ALK: variants seen among roughly 807,000 people sequenced by gnomAD.
ALK encodes ALK receptor tyrosine kinase.
ALK carries 74 observed loss-of-function variants against 163.1 expected under a neutral mutation model. That is an observed-to-expected ratio of 0.45 (90% CI 0.38 to 0.55). ALK has a LOEUF of 0.55. Ranked by LOEUF, ALK falls within the 20% of genes least tolerant of loss-of-function variation. The pLI, the probability that ALK is intolerant of heterozygous loss-of-function variation, is 0.00. For missense variants in ALK, 2,063 were observed against 2,105.3 expected, an observed-to-expected ratio of 0.98 and a Z score of 0.39; for synonymous variants, 960 against 843.2, an observed-to-expected ratio of 1.14 and a Z score of -2.40.
At chr2:29,699,849 C>A (rs933709745) in intron 2 of ALK, among the ~76,000 whole-genome samples, 9 of 152,194 alleles carry the variant, frequency 5.9e-5, no homozygotes, top group Non-Finnish European at 1.2e-4. Context: ...GGTAATGGAA[C>A]CTTCTGGAAA....
intron 5 of ALK, among the ~76,000 whole-genome samples, chr2:29,331,220 A>C (rs748228130): frequency 6.6e-6 from 1 of 152,242 alleles, no homozygotes; most frequent in Non-Finnish European, 1.5e-5. Flanking sequence ...CTGGGCCTCA[A>C]GATAGCCTAA....
intron 1 of ALK, among the ~76,000 whole-genome samples, chr2:29,903,744 TA>T (rs1319959494): frequency 6.6e-6 from 1 of 152,180 alleles, no homozygotes; most frequent in Non-Finnish European, 1.5e-5. Flanking sequence ...TCATGGTCTT[TA>T]AAGCATATTA....
rs1666625744 is a variant in ALK at position 29,309,079 on chromosome 2, GC to G, written c.1647+9224del. Among the ~76,000 whole-genome samples, 3 of 152,144 alleles carry G rather than the reference GC, an allele frequency of 2.0e-5. No individual in the cohort carries two copies. In the South Asian group the frequency reaches 6.2e-4, roughly 32 times the overall value. On this transcript the variant is annotated intron_variant, in intron 8 of 28. Transcript: ENST00000389048. ...ATGATGGAGATGACACTGAGGAGTA[GC>G]TTTGTAATCTGACTGCTGGGGAACA...
At chr2:29,273,858 G>A (rs994369674) in intron 11 of ALK, among the ~76,000 whole-genome samples, 1 of 152,220 alleles carries the variant, frequency 6.6e-6, no homozygotes, top group South Asian at 2.1e-4. Context: ...CTGGGCCTGG[G>A]GGGTAGGGCA....
At chr2:29,561,404 C>T (rs1052853182) in intron 3 of ALK, among the ~76,000 whole-genome samples, 6 of 152,166 alleles carry the variant, frequency 3.9e-5, no homozygotes, top group Non-Finnish European at 8.8e-5. Flanking sequence ...GGCTATACAA[C>T]AGTAGCCCGG....
chr2:29,452,726 G>A (rs1376723768), intron 4 of ALK, among the ~76,000 whole-genome samples: 2 of 152,180 alleles, frequency 1.3e-5, no homozygotes, highest in African/African-American at 2.4e-5. Flanking sequence ...AACTTCAAGT[G>A]TAACCGACGA....
chr2:29,598,335 C>T (rs10190119), intron 3 of ALK, among the ~76,000 whole-genome samples: 10,623 of 152,070 alleles, frequency 0.07, 846 homozygotes, highest in African/African-American at 0.2. Flanking sequence ...ACAGAGAGTA[C>T]TTCTAAAAAG....
At chr2:29,320,994 G>T in intron 6 of ALK, 112 bp from the exon 7 acceptor site, 1 of 1,330,952 alleles carries the variant, frequency 7.5e-7, no homozygotes, top group Non-Finnish European at 1.1e-6. Flanking sequence ...TAGTAATATA[G>T]CTCCCCAGCC....
At chr2:29,445,501 A>G (rs1257208831) in intron 4 of ALK, among the ~76,000 whole-genome samples, 5 of 152,198 alleles carry the variant, frequency 3.3e-5, no homozygotes, top group African/African-American at 1.2e-4. Flanking sequence ...TGGTGTCTGA[A>G]GAGGAGATGC....
chr2:29,275,504 C>T lies in ALK; in HGVS notation c.1818-8G>A. The T allele has an allele frequency of 6.2e-7, 1 of 1,613,962 alleles. No homozygotes were observed. The highest frequency in any genetic ancestry group is 8.5e-7 in the Non-Finnish European group (1 of 1,179,906). On this transcript the variant is annotated splice_region_variant and splice_polypyrimidine_tract_variant and intron_variant, in intron 9 of 28. Transcript: ENST00000389048. ...ACCATCTGCAGCCAGAACCTGTACA[C>T]ATCAAGAGGAATGTGTGTGAGGAGC...
intron 4 of ALK, among the ~76,000 whole-genome samples, chr2:29,429,838 T>C (rs1319048647): frequency 6.6e-6 from 1 of 152,132 alleles, no homozygotes; most frequent in African/African-American, 2.4e-5. Flanking sequence ...GCAGTGTAAT[T>C]GCATCTACAA....
At chr2:29,561,942 A>G (rs1438954695) in intron 3 of ALK, among the ~76,000 whole-genome samples, 3 of 152,122 alleles carry the variant, frequency 2.0e-5, no homozygotes, top group Non-Finnish European at 4.4e-5. Flanking sequence ...AAGGTTTTCA[A>G]CAGATACTAC....
chr2:29,663,577 C>T (rs1454610811), intron 3 of ALK, among the ~76,000 whole-genome samples: 2 of 152,064 alleles, frequency 1.3e-5, no homozygotes, highest in Non-Finnish European at 2.9e-5. Flanking sequence ...TTCAAGAGAA[C>T]CAGACTGTAT....
chr2:29,520,601 A>G (rs1672784456), intron 4 of ALK, among the ~76,000 whole-genome samples: 1 of 152,128 alleles, frequency 6.6e-6, no homozygotes, highest in Non-Finnish European at 1.5e-5. Flanking sequence ...GGGTCTCAAG[A>G]AAGGCTTTGT....
intron 3 of ALK, among the ~76,000 whole-genome samples, chr2:29,687,416 A>C (rs1285506842): frequency 6.6e-6 from 1 of 152,014 alleles, no homozygotes; most frequent in Non-Finnish European, 1.5e-5. Context: ...CCTAGCCAGG[A>C]TTTTTGGCTA....
At chr2:29,254,236 C>G (rs914924000) in intron 11 of ALK, among the ~76,000 whole-genome samples, 2 of 152,196 alleles carry the variant, frequency 1.3e-5, no homozygotes, top group Non-Finnish European at 2.9e-5. Flanking sequence ...TAGCCAGTCT[C>G]AGGCATGTCT....
intron 3 of ALK, among the ~76,000 whole-genome samples, chr2:29,631,929 A>T (rs1388951009): frequency 6.6e-6 from 1 of 152,226 alleles, no homozygotes; most frequent in African/African-American, 2.4e-5. Flanking sequence ...TTTCACGTGC[A>T]CATCTCACAC....
intron 26 of ALK, among the ~76,000 whole-genome samples, chr2:29,200,162 G>A (rs142579706): frequency 0.038 from 5,817 of 152,144 alleles, 174 homozygotes; most frequent in Non-Finnish European, 0.058. Context: ...AAATTGCCTG[G>A]CACATATATT....
intron 1 of ALK, among the ~76,000 whole-genome samples, chr2:29,793,407 ATGT>A (rs533775654): frequency 1.5e-3 from 229 of 152,254 alleles, no homozygotes; most frequent in African/African-American, 5.2e-3. Flanking sequence ...ACCCCTGTTC[ATGT>A]TGTTATTTTG....
Sources: allele counts gnomAD v4.1 joint callset (sites outside exome capture counted in the v4.1 genomes callset), GRCh38; gene constraint gnomAD v4.1.1; transcripts MANE v1.5; gene names NCBI Gene and HGNC (gene_info 2026-07-23, HGNC 2026-07-21).